WAC: variants seen among roughly 807,000 people sequenced by gnomAD.
WAC encodes the protein WW domain containing adaptor with coiled-coil.
WAC carries 11 observed loss-of-function variants against 79.6 expected under a neutral mutation model. The ratio of observed to expected loss-of-function variants is 0.14; its 90% CI spans 0.09 to 0.23. WAC has a LOEUF of 0.23. Among genes scored for constraint, WAC ranks in the 10% least tolerant of loss-of-function variants. The pLI is 1.00. For missense variants in WAC, 728 were observed against 773.5 expected, an observed-to-expected ratio of 0.94 and a Z score of 0.70; for synonymous variants, 304 against 276.9, an observed-to-expected ratio of 1.10 and a Z score of -0.97.
At chr10:28,549,299 G>C (rs1836689578) in intron 3 of WAC, among the ~76,000 whole-genome samples, 2 of 152,148 alleles carry the variant, frequency 1.3e-5, no homozygotes, top group African/African-American at 4.8e-5. Flanking sequence ...GAGGTGTTCT[G>C]TCTTTGCTGC....
chr10:28,598,788 G>A (rs190396369), intron 7 of WAC, among the ~76,000 whole-genome samples: 49 of 152,328 alleles, frequency 3.2e-4, no homozygotes, highest in Admixed American at 2.0e-3. Context: ...TTCTGACAGA[G>A]TAGATTCGAG....
In WAC at chr10:28,551,974, G is replaced by A. The variant is rs544598882; in HGVS notation, c.274+16217G>A. 3.5e-4 allele frequency among the ~76,000 whole-genome samples: 53 copies of A among 152,058 alleles called. No homozygotes were observed. The East Asian group carries it at 6.8e-3, about 19-fold the overall frequency. On this transcript the variant is annotated intron_variant, in intron 3 of 13. Transcript: ENST00000354911. ...CCCAAGGAGCTGGGATTCCAGGCAT[G>A]CGCCACGACGCCCAACTAATATTTG...
Position 28,539,255 on chromosome 10 carries a change from CT to C in WAC, c.274+3500del, listed in dbSNP as rs781656237. ...CGTTCAGAAGTAATGTATGAAAGGA[CT>C]TGCAGATACAATATAAAAAGTGAGA... On this transcript the variant is annotated intron_variant, in intron 3 of 13. Transcript: ENST00000354911. Among the ~76,000 whole-genome samples, 366 of 152,208 alleles carry C rather than the reference CT, an allele frequency of 2.4e-3. 1 individual carries two copies. The highest frequency in any genetic ancestry group is 4.2e-3 in the Non-Finnish European group (285 of 68,020).
chr10:28,552,386 G>A (rs576427146), intron 3 of WAC, among the ~76,000 whole-genome samples: 9 of 152,180 alleles, frequency 5.9e-5, no homozygotes, highest in East Asian at 3.9e-4. Flanking sequence ...GTTTGTTAGC[G>A]CTGTTTCTTC....
At chr10:28,603,992 T>A (rs1312517601) in intron 7 of WAC, among the ~76,000 whole-genome samples, 3 of 125,276 alleles carry the variant, frequency 2.4e-5, no homozygotes, top group South Asian at 2.6e-4. Flanking sequence ...TATATATGTA[T>A]ATATATATAT....
At chr10:28,542,179 A>G (rs937270908) in intron 3 of WAC, among the ~76,000 whole-genome samples, 2 of 152,162 alleles carry the variant, frequency 1.3e-5, no homozygotes, top group African/African-American at 4.8e-5. Flanking sequence ...CACTCACTTC[A>G]GTAATGTGTC....
intron 3 of WAC, among the ~76,000 whole-genome samples, chr10:28,575,770 C>T (rs946119453): frequency 1.2e-4 from 19 of 152,170 alleles, no homozygotes; most frequent in African/African-American, 4.3e-4. Context: ...TGTCTTTTCA[C>T]TTTCTGGTAG....
chr10:28,533,945 G>GC lies in WAC; in HGVS notation c.42-47dup, dbSNP rs977694462. On this transcript the variant is annotated intron_variant, in intron 1 of 13. Transcript: ENST00000354911. ...GGGGGCCCCGTTTTCTTCCTCCCCG[G>GC]CCCCCCACCCGCGCCGTGTCTTATG... 8 of 1,598,546 alleles carry GC rather than the reference G, an allele frequency of 5.0e-6. No individual in the cohort carries two copies. The African/African-American group carries it at 9.6e-5, about 19-fold the overall frequency.
chr10:28,561,561 A>G (rs991696678), intron 3 of WAC, among the ~76,000 whole-genome samples: 7 of 152,066 alleles, frequency 4.6e-5, no homozygotes, highest in African/African-American at 1.7e-4. Flanking sequence ...ATGGAATTTG[A>G]CCCTGTGGGA....
chr10:28,605,344 C>T (rs550341696), intron 7 of WAC, among the ~76,000 whole-genome samples: 22 of 152,294 alleles, frequency 1.4e-4, no homozygotes, highest in African/African-American at 4.1e-4. Flanking sequence ...CCCAGGCTTC[C>T]GTTCAGTAAA....
Position 28,588,359 on chromosome 10 carries a change from T to G in WAC, c.382-1377T>G, listed in dbSNP as rs143200740. Among the ~76,000 whole-genome samples, 15 of 152,326 alleles carry G rather than the reference T, an allele frequency of 9.8e-5. No homozygotes were observed. The East Asian group carries it at 2.9e-3, about 29-fold the overall frequency. On this transcript the variant is annotated intron_variant, in intron 4 of 13. Coordinates refer to ENST00000354911, the MANE Select transcript of WAC (RefSeq NM_016628.5). ...CAGGGCTGCTTTGCCACCCTCATTA[T>G]TTTGGGATGTAAACCTGAGCATATA...
chr10:28,582,131 A>G (rs1356698918), intron 3 of WAC, among the ~76,000 whole-genome samples: 4 of 152,342 alleles, frequency 2.6e-5, no homozygotes, highest in Admixed American at 2.0e-4. Context: ...AGTTTCCATT[A>G]TAAGCAGACC....
rs1381900875 is a variant in WAC, at chr10:28,620,175, C to A, written c.*569C>A. The A allele has an allele frequency of 6.6e-6, 1 of 152,438 alleles. No individual in the cohort carries two copies. The highest frequency in any genetic ancestry group is 1.5e-5 in the Non-Finnish European group (1 of 68,004). The allele number at this position is 152,438 out of a possible 1,614,324, so 9.4% of individuals were successfully genotyped here. A position where few individuals can be genotyped will look rare whatever the true frequency, so the allele number is the denominator to read the frequency against. The stretch of plus-strand genomic sequence containing the variant: ...TTTGCAGAGAAATGTTTTTCATTTC[C>A]CGTGTGTTTCCATTTCCTTCTGAAA... On this transcript the variant is annotated 3_prime_UTR_variant, in exon 14 of 14. Coordinates refer to ENST00000354911, the MANE Select transcript of WAC (RefSeq NM_016628.5).
At chr10:28,603,923 G>A (rs1840763574) in intron 7 of WAC, among the ~76,000 whole-genome samples, 3 of 96,618 alleles carry the variant, frequency 3.1e-5, no homozygotes, top group African/African-American at 8.2e-5. Flanking sequence ...GACAGAGCAA[G>A]ACTCCGTCTC....
intron 3 of WAC, among the ~76,000 whole-genome samples, chr10:28,569,134 T>C (rs1433964683): frequency 6.6e-6 from 1 of 152,218 alleles, no homozygotes; most frequent in Non-Finnish European, 1.5e-5. Context: ...TATGTACATA[T>C]AGAAAAACTA....
chr10:28,610,130 A>T (rs1405432294), intron 8 of WAC, among the ~76,000 whole-genome samples: 1 of 151,860 alleles, frequency 6.6e-6, no homozygotes, highest in Non-Finnish European at 1.5e-5. Context: ...ACAGGGTTTC[A>T]CTATGTTGGG....
chr10:28,533,155 G>A lies in WAC; in HGVS notation c.-425G>A, dbSNP rs1405618909. ...TGTAGTTGGTGGAGCGGCAGCGGCG[G>A]CACCAGCGGCGGCGGCGGCGGCGGG... On this transcript the variant is annotated 5_prime_UTR_variant, in exon 1 of 14. Transcript: ENST00000354911. 1 of 168,128 alleles carries A rather than the reference G, an allele frequency of 5.9e-6. No homozygotes were observed. The highest frequency in any genetic ancestry group is 1.3e-5 in the Non-Finnish European group (1 of 78,714). 10.4% of individuals were successfully genotyped at this position (168,128 alleles called of 1,614,324 possible).
intron 1 of WAC, 35 bp downstream of exon 1, chr10:28,533,655 C>T: frequency 8.3e-7 from 1 of 1,203,832 alleles, no homozygotes; most frequent in Non-Finnish European, 1.2e-6. Context: ...CGGGCGGCGG[C>T]GGGGGGCGGC....
At chr10:28,602,386 T>C (rs1013212915) in intron 7 of WAC, among the ~76,000 whole-genome samples, 1 of 152,222 alleles carries the variant, frequency 6.6e-6, no homozygotes, top group African/African-American at 2.4e-5. Context: ...AAAATATGAA[T>C]TTAAAAATTA....
Sources: allele counts gnomAD v4.1 joint callset (sites outside exome capture counted in the v4.1 genomes callset), GRCh38; gene constraint gnomAD v4.1.1; transcripts MANE v1.5; gene names NCBI Gene and HGNC (gene_info 2026-07-23, HGNC 2026-07-21).